Variants in RRP15 observed in about 807,000 individuals in gnomAD.
RRP15 encodes RRP15-like protein.
RRP15 carries 18 observed loss-of-function variants against 27.1 expected under a neutral mutation model. The ratio of observed to expected loss-of-function variants is 0.66; its 90% confidence interval spans 0.46 to 0.98. The LOEUF is 0.98. Among genes scored for constraint, RRP15 ranks in the 50% least tolerant of loss-of-function variants. The pLI is 0.00. For missense variants in RRP15, 359 were observed against 337.8 expected, an observed-to-expected ratio of 1.06 and a Z score of -0.49; for synonymous variants, 107 against 109.4, an observed-to-expected ratio of 0.98 and a Z score of 0.14.
At chr1:218,324,285 G>T (rs1656236161) in intron 4 of RRP15, among the ~76,000 whole-genome samples, 2 of 152,276 alleles carry the variant, frequency 1.3e-5, no homozygotes, top group South Asian at 4.1e-4. Flanking sequence ...CCGCACAAAT[G>T]AACCCGACGC....
At chr1:218,286,717 T>C (rs1655554422) in intron 1 of RRP15, among the ~76,000 whole-genome samples, 1 of 152,212 alleles carries the variant, frequency 6.6e-6, no homozygotes, top group South Asian at 2.1e-4. Context: ...TGAATTAACC[T>C]GGACTTCCAG....
Position 218,307,632 on chromosome 1 carries a change from G to T in RRP15, c.705G>T (p.Gln235His). The T allele has an allele frequency of 6.2e-7, 1 of 1,609,716 alleles. No homozygotes were observed. Residue 235 changes from glutamine to histidine, a missense_variant and splice_region_variant, in exon 4 of 5, where the codon CAG becomes CAT. Gln to His is a conservative substitution (Grantham distance 24, BLOSUM62 0). Coordinates refer to ENST00000366932, the MANE Select transcript of RRP15 (RefSeq NM_016052.4). ...ASSRKKPKAK[Q>H]TEVKSEEGPG... ...GCAGGAAGAAACCAAAAGCCAAACA[G>T]GTAAAAACTTTTCTATAGGATTCAG...
At chr1:218,290,435 T>A (rs12080790) in intron 1 of RRP15, among the ~76,000 whole-genome samples, 2 of 151,906 alleles carry the variant, frequency 1.3e-5, no homozygotes, top group African/African-American at 4.8e-5. Context: ...CTTATGTGGA[T>A]TTTTTTTGGG....
intron 1 of RRP15, among the ~76,000 whole-genome samples, chr1:218,298,658 C>CA (rs1655759483): frequency 1.3e-5 from 2 of 152,136 alleles, no homozygotes; most frequent in African/African-American, 4.8e-5. Flanking sequence ...ATGACTACCT[C>CA]AGTACGTCGG....
chr1:218,293,219 A>G (rs1204207519), intron 1 of RRP15, among the ~76,000 whole-genome samples: 1 of 152,118 alleles, frequency 6.6e-6, no homozygotes, highest in African/African-American at 2.4e-5. Flanking sequence ...ACAGTTAGTA[A>G]TATAGGTCTG....
At chr1:218,313,710 G>A (rs1017401297) in intron 4 of RRP15, among the ~76,000 whole-genome samples, 1 of 152,170 alleles carries the variant, frequency 6.6e-6, no homozygotes, top group Non-Finnish European at 1.5e-5. Flanking sequence ...AGTCCTGTAT[G>A]TCTTAGTAGG....
Position 218,302,331 on chromosome 1 carries a change from TGATGAC to T in RRP15, c.179_184del (p.Asp60_Asp61del), listed in dbSNP as rs777801076. On this transcript the variant is annotated inframe_deletion, in exon 2 of 5. Transcript: ENST00000366932. Reference sequence around the variant, plus strand: ...CGGAAAAGGACCACTTTTATTCTGATGATGACGCAATAGAAGCTGACAGTGAGGGTG... The same window carrying T: ...CGGAAAAGGACCACTTTTATTCTGATGCAATAGAAGCTGACAGTGAGGGTG... 45 of 1,613,874 alleles carry T rather than the reference TGATGAC, an allele frequency of 2.8e-5. No individual in the cohort carries two copies. Among genetic ancestry groups the T allele is most frequent in the Middle Eastern group, 3.3e-4 (2 of 6,084 alleles).
At chr1:218,330,880 C>T (rs1656354668) in intron 4 of RRP15, 68 bp from the exon 5 acceptor site, 1 of 1,436,548 alleles carries the variant, frequency 7.0e-7, no homozygotes, top group Non-Finnish European at 9.6e-7. Flanking sequence ...TGTTTTGTAG[C>T]TTGTACCTTT....
intron 1 of RRP15, among the ~76,000 whole-genome samples, chr1:218,297,986 C>T (rs1655747663): frequency 6.6e-6 from 1 of 152,138 alleles, no homozygotes; most frequent in African/African-American, 2.4e-5. Context: ...TCTTTTGTTT[C>T]AGCCAGTCTC....
At chr1:218,321,854 A>C (rs1387476864) in intron 4 of RRP15, among the ~76,000 whole-genome samples, 1 of 151,606 alleles carries the variant, frequency 6.6e-6, no homozygotes, top group African/African-American at 2.4e-5. Flanking sequence ...TTCTTATATT[A>C]ATCTTTGATC....
intron 1 of RRP15, among the ~76,000 whole-genome samples, chr1:218,295,229 G>A (rs975106282): frequency 4.6e-5 from 7 of 152,186 alleles, no homozygotes; most frequent in East Asian, 1.9e-4. Context: ...CTACCTCTGA[G>A]TTATCCTTGA....
At chr1:218,322,080 C>T (rs1656195409) in intron 4 of RRP15, among the ~76,000 whole-genome samples, 1 of 152,084 alleles carries the variant, frequency 6.6e-6, no homozygotes, top group African/African-American at 2.4e-5. Flanking sequence ...TATATAAGAA[C>T]ACAGTATATT....
chr1:218,318,408 C>G (rs929746708), intron 4 of RRP15, among the ~76,000 whole-genome samples: 1 of 151,576 alleles, frequency 6.6e-6, no homozygotes, highest in Non-Finnish European at 1.5e-5. Flanking sequence ...CTTTTAAAGA[C>G]TAGCTTTTTA....
At chr1:218,324,002 C>T (rs976406848) in intron 4 of RRP15, among the ~76,000 whole-genome samples, 1 of 152,200 alleles carries the variant, frequency 6.6e-6, no homozygotes, top group Admixed American at 6.5e-5. Context: ...ACTTGGGTTG[C>T]TGCAGCTATT....
intron 4 of RRP15, among the ~76,000 whole-genome samples, chr1:218,317,987 A>G (rs1214841130): frequency 2.0e-5 from 3 of 151,974 alleles, no homozygotes; most frequent in Admixed American, 6.6e-5. Flanking sequence ...CTTCTGCCTC[A>G]GCCTCCCAAA....
At chr1:218,299,408 G>GTA (rs1655775123) in intron 1 of RRP15, among the ~76,000 whole-genome samples, 1 of 152,054 alleles carries the variant, frequency 6.6e-6, no homozygotes, top group Admixed American at 6.6e-5. Flanking sequence ...GCATGTTGTG[G>GTA]TAGTCAAGCG....
chr1:218,303,741 T>A (rs1655849884), intron 2 of RRP15, among the ~76,000 whole-genome samples: 1 of 152,186 alleles, frequency 6.6e-6, no homozygotes, highest in South Asian at 2.1e-4. Flanking sequence ...CCATAATGCA[T>A]GAAAGCACAT....
intron 1 of RRP15, among the ~76,000 whole-genome samples, chr1:218,294,901 G>T (rs1431908292): frequency 2.0e-5 from 3 of 152,148 alleles, no homozygotes; most frequent in African/African-American, 7.2e-5. Context: ...GATTTTAGGA[G>T]TTGACCAAAT....
At chr1:218,329,801 C>T (rs1656337408) in intron 4 of RRP15, among the ~76,000 whole-genome samples, 1 of 151,586 alleles carries the variant, frequency 6.6e-6, no homozygotes, top group South Asian at 2.1e-4. Context: ...GACAGTTTTC[C>T]TATTTGCTTG....
Sources: gnomAD v4.1 joint callset for allele counts (sites outside exome capture counted in the v4.1 genomes callset) on GRCh38, gnomAD v4.1.1 for gene constraint, MANE v1.5 for transcripts, NCBI Gene and HGNC (gene_info 2026-07-23, HGNC 2026-07-21) for gene names.